Variants in FDXR observed in about 807,000 individuals in gnomAD.
FDXR encodes NADPH:adrenodoxin oxidoreductase, mitochondrial.
FDXR carries 38 observed loss-of-function variants against 58.3 expected under a neutral mutation model. The observed-to-expected ratio is 0.65, with a 90% CI of 0.50 to 0.85. The LOEUF is 0.85. Ranked by LOEUF, FDXR falls within the 40% of genes least tolerant of loss-of-function variation. FDXR has a pLI of 0.00. For synonymous variants in FDXR, 275 were observed against 273.8 expected, an observed-to-expected ratio of 1.00 and a Z score of -0.04; for missense variants, 624 against 671.0, an observed-to-expected ratio of 0.93 and a Z score of 0.77.
At position 74,862,627 on chromosome 17, in the gene FDXR, TG is replaced by T. The variant is rs2038001823; in HGVS notation, c.*189del. On this transcript the variant is annotated 3_prime_UTR_variant, in exon 12 of 12. Coordinates refer to ENST00000293195, the MANE Select transcript of FDXR (RefSeq NM_024417.5). ...CTGTCCCTAAGGTTACCTCAGTTGCTGAAAGCTAAAACCTTGCGCGCAAGGG... is the reference window on the plus strand; with the variant it reads ...CTGTCCCTAAGGTTACCTCAGTTGCTAAAGCTAAAACCTTGCGCGCAAGGG... 1.4e-6 allele frequency: 1 copy of T among 722,826 alleles called. No individual in the cohort carries two copies. The allele number at this position is 722,826 out of a possible 1,614,324, so 44.8% of individuals were successfully genotyped here.
chr17:74,862,864 C>G lies in FDXR; in HGVS notation c.1429G>C (p.Glu477Gln). Residue 477 changes from glutamate (E) to glutamine (Q), a missense_variant, in exon 12 of 12, where the codon GAG (glutamate) becomes CAG (glutamine). Glu to Gln is a conservative substitution (Grantham distance 29). Transcript: ENST00000293195. The part of the protein sequence containing the change: ...ARGQGTGKPR[E>Q]KLVDPQEMLR... ...ATCTCCTGAGGATCCACCAGCTTCT[C>G]CCTGGGCTTCCCCGTGCCCTGGCCC... 1 of 1,613,076 alleles carries G rather than the reference C, an allele frequency of 6.2e-7. No individual in the cohort carries two copies. The highest frequency in any genetic ancestry group is 2.2e-5 in the East Asian group (1 of 44,878).
chr17:74,864,607 G>T, intron 7 of FDXR, 43 bp from the exon 8 acceptor site: 1 of 1,572,528 alleles, frequency 6.4e-7, no homozygotes, highest in Non-Finnish European at 8.7e-7. Flanking sequence ...GTCAGGCCCA[G>T]AACACAGTCC....
intron 2 of FDXR, chr17:74,869,850 A>G (rs1454654479): frequency 2.4e-6 from 1 of 416,562 alleles, no homozygotes; most frequent in African/African-American, 2.0e-5. Context: ...ATGGATTAAC[A>G]TGGATGGCCT....
At position 74,865,776 on chromosome 17, in the gene FDXR, C is replaced by T. The variant is rs367601414; in HGVS notation, c.552G>A (p.Gln184=). Reference sequence around the variant, plus strand: ...GGGCCACGTCCAGAGCCACGTTCCCCTGCCCCAGAATCACGGCTGTGTCAC... The same window carrying T: ...GGGCCACGTCCAGAGCCACGTTCCCTTGCCCCAGAATCACGGCTGTGTCAC... ...LSCDTAVILG[Q]GNVALDVARI... is the part of the protein sequence containing the mutation. The change falls in exon 6 of 12, where the codon CAG becomes CAA. Residue 184 remains glutamine, a synonymous_variant. Coordinates refer to ENST00000293195, the MANE Select transcript of FDXR (RefSeq NM_024417.5). 49 of 1,613,776 alleles carry T rather than the reference C, an allele frequency of 3.0e-5. No individual in the cohort carries two copies. The African/African-American group carries it at 6.4e-4, about 21-fold the overall frequency.
chr17:74,868,478 G>A, intron 2 of FDXR: 1 of 1,026,332 alleles, frequency 9.7e-7, no homozygotes, highest in East Asian at 2.6e-5. Flanking sequence ...AATCTTCGCT[G>A]GGGCCCAGTG....
intron 6 of FDXR, 24 bp downstream of exon 6, chr17:74,865,695 C>G: frequency 1.9e-6 from 3 of 1,562,450 alleles, no homozygotes; most frequent in Non-Finnish European, 2.6e-6. Context: ...CCTCCAACCC[C>G]GCCAGCCCTG....
chr17:74,867,013 G>A (rs751177379), intron 2 of FDXR, 137 bp from the exon 3 acceptor site: 8 of 1,479,412 alleles, frequency 5.4e-6, no homozygotes, highest in East Asian at 5.0e-5. Context: ...CCTCTGCAAG[G>A]AAAAAGAGCA....
Position 74,862,725 on chromosome 17 carries a change from A to C in FDXR, c.*92T>G. 6.8e-7 allele frequency: 1 copy of C among 1,473,950 alleles called. No homozygotes were observed. The highest frequency in any genetic ancestry group is 9.0e-7 in the Non-Finnish European group (1 of 1,106,234). The allele number at this position is 1,473,950 out of a possible 1,614,324, so 91.3% of individuals were successfully genotyped here. A position where few individuals can be genotyped will look rare whatever the true frequency, so the allele number is the denominator to read the frequency against. On this transcript the variant is annotated 3_prime_UTR_variant, in exon 12 of 12. Coordinates refer to ENST00000293195, the MANE Select transcript of FDXR (RefSeq NM_024417.5). ...CTCCAAGCCAGGGCCGGCCGGGATC[A>C]GCAGAGGTGCAAAGTCCCACTCAGA... is the stretch of plus-strand genomic sequence containing the variant.
intron 2 of FDXR, among the ~76,000 whole-genome samples, chr17:74,870,797 C>T (rs866271936): frequency 0.017 from 1,476 of 88,474 alleles, 45 homozygotes; most frequent in African/African-American, 0.05. Context: ...CACTGTCTCT[C>T]TTTTTTTTTT....
chr17:74,872,750 G>GACAC, intron 1 of FDXR, 116 bp downstream of exon 1: 1 of 1,531,330 alleles, frequency 6.5e-7, no homozygotes, highest in Non-Finnish European at 8.7e-7. Flanking sequence ...CCAGCAGGAA[G>GACAC]ACACCCCTTC....
At chr17:74,866,754 AC>A (rs1374134517) in intron 3 of FDXR, 29 bp downstream of exon 3, 4 of 1,611,910 alleles carry the variant, frequency 2.5e-6, no homozygotes, top group Non-Finnish European at 3.4e-6. Context: ...AAGTCTCCAA[AC>A]CCCAGCCTCC....
intron 2 of FDXR, chr17:74,868,331 AAAG>A (rs1262986836): frequency 3.4e-5 from 21 of 617,310 alleles, no homozygotes; most frequent in Non-Finnish European, 5.5e-5. Flanking sequence ...TCTCTGTCCA[AAAG>A]AAGAGCCCTG....
chr17:74,872,505 T>A, intron 1 of FDXR: 1 of 614,696 alleles, frequency 1.6e-6, no homozygotes, highest in Non-Finnish European at 2.8e-6. Context: ...CCTCTCTCTC[T>A]CCACAAAACG....
chr17:74,866,871 G>A lies in FDXR; in HGVS notation c.183C>T (p.Pro61=). ...TCTCGTAGATGTCCACGTGGGCCTG[G>A]GGGTGCTGCTGGGGAACAGGGTGGC... ...FYTAQHLLKH[P]QAHVDIYEKQ... is the part of the protein sequence containing the mutation. Residue 61 remains proline, a synonymous_variant, in exon 3 of 12, where the codon CCC becomes CCT. Coordinates refer to ENST00000293195, the MANE Select transcript of FDXR (RefSeq NM_024417.5). The A allele has an allele frequency of 6.2e-7, 1 of 1,613,844 alleles. No individual in the cohort carries two copies. The highest frequency in any genetic ancestry group is 1.1e-5 in the South Asian group (1 of 90,986).
intron 7 of FDXR, 87 bp from the exon 8 acceptor site, chr17:74,864,651 G>C: frequency 6.9e-7 from 1 of 1,441,304 alleles, no homozygotes; most frequent in Non-Finnish European, 9.6e-7. Context: ...GCCCAGGCAG[G>C]AGAGACCACC....
intron 7 of FDXR, 113 bp downstream of exon 7, chr17:74,864,711 C>G: frequency 6.6e-7 from 1 of 1,511,486 alleles, no homozygotes; most frequent in Non-Finnish European, 9.1e-7. Context: ...TGACTGCTCC[C>G]CTTCTTCCAT....
rs763488904 is a variant in FDXR, at chr17:74,864,334, C to T, written c.816G>A (p.Pro272=). Residue 272 remains proline (P), a synonymous_variant, in exon 9 of 12, where the codon CCG becomes CCA. Transcript: ENST00000293195. Reference sequence around the variant, plus strand: ...GCAGCAGTTCCGTCAGCCGCTTCCTCGGGCGGGGGACCTCTGTCAGCAACG... The same window carrying T: ...GCAGCAGTTCCGTCAGCCGCTTCCTTGGGCGGGGGACCTCTGTCAGCAACG... ...LQDKIKEVPR[P]RKRLTELLLR... The T allele has an allele frequency of 7.4e-5, 117 of 1,575,012 alleles. 1 individual carries two copies. In the Admixed American group the frequency reaches 1.7e-3, roughly 23 times the overall value.
At chr17:74,870,311 G>A (rs937428263) in intron 2 of FDXR, among the ~76,000 whole-genome samples, 3 of 152,170 alleles carry the variant, frequency 2.0e-5, no homozygotes, top group African/African-American at 7.2e-5. Context: ...GAGGTCAGGA[G>A]TTCAAAACCA....
At chr17:74,872,451 A>C in intron 1 of FDXR, 2 of 662,246 alleles carry the variant, frequency 3.0e-6, no homozygotes, top group Non-Finnish European at 5.1e-6. Context: ...ATATCATCCC[A>C]ATCTCGCCCC....
Sources: allele counts gnomAD v4.1 joint callset (sites outside exome capture counted in the v4.1 genomes callset), GRCh38; gene constraint gnomAD v4.1.1; transcripts MANE v1.5; gene names NCBI Gene and HGNC (gene_info 2026-07-23, HGNC 2026-07-21).